The following HECTD2 variants were observed in gnomAD, a reference collection of about 807,000 sequenced individuals.
The protein encoded by HECTD2 is HECT domain E3 ubiquitin protein ligase 2.
HECTD2 carries 35 observed loss-of-function variants against 103.2 expected under a neutral mutation model. That is an observed-to-expected ratio of 0.34 (90% CI 0.26 to 0.45). The LOEUF (loss-of-function observed/expected upper bound fraction) is 0.45. Ranked by LOEUF, HECTD2 falls within the 20% of genes least tolerant of loss-of-function variation. The pLI, the probability that HECTD2 is intolerant of heterozygous loss-of-function variation, is 1.00. For synonymous variants in HECTD2, 281 were observed against 329.9 expected (o/e 0.85, Z 1.61); for missense variants, 596 against 937.4 (o/e 0.64, Z 4.76).
chr10:91,449,738 C>T (rs1844712625), intron 2 of HECTD2, among the ~76,000 whole-genome samples: 1 of 149,570 alleles, frequency 6.7e-6, no homozygotes, highest in South Asian at 2.1e-4. Flanking sequence ...CATTCCTATA[C>T]ACAAATAATA....
intron 12 of HECTD2, 70 bp from the exon 13 acceptor site, chr10:91,492,282 C>T (rs949769506): frequency 2.1e-6 from 3 of 1,421,652 alleles, no homozygotes; most frequent in Non-Finnish European, 2.0e-6. Flanking sequence ...ACACATTTCC[C>T]AGAATTAAAA....
chr10:91,410,473 C>A lies in HECTD2; in HGVS notation c.35C>A (p.Thr12Asn), dbSNP rs1227153110. ...SEAVRVPSPA[T>N]PLVVAAPAPE... ...GCGGTTCGGGTACCCTCGCCCGCCA[C>A]TCCGCTGGTGGTGGCGGCGCCCGCG... Residue 12 changes from threonine (T) to asparagine (N), a missense_variant, in exon 1 of 21, where the codon ACT becomes AAT. Transcript: ENST00000298068. 2.0e-6 allele frequency: 3 copies of A among 1,464,876 alleles called. No homozygotes were observed. The highest frequency in any genetic ancestry group is 2.7e-6 in the Non-Finnish European group (3 of 1,112,576). 90.7% of individuals were successfully genotyped at this position (1,464,876 alleles called of 1,614,324 possible).
intron 1 of HECTD2, among the ~76,000 whole-genome samples, chr10:91,421,093 T>G (rs1208644897): frequency 6.6e-6 from 1 of 152,136 alleles, no homozygotes; most frequent in African/African-American, 2.4e-5. Flanking sequence ...GCTCATTGCT[T>G]TCATTTTCTA....
At chr10:91,449,882 A>G (rs186113174) in intron 2 of HECTD2, among the ~76,000 whole-genome samples, 7 of 152,318 alleles carry the variant, frequency 4.6e-5, no homozygotes, top group African/African-American at 1.7e-4. Flanking sequence ...AAGAGAGAAC[A>G]CAAACAAATG....
chr10:91,477,264 G>T (rs567959963), intron 5 of HECTD2, among the ~76,000 whole-genome samples: 1 of 152,206 alleles, frequency 6.6e-6, no homozygotes, highest in Non-Finnish European at 1.5e-5. Flanking sequence ...AATGATGCTG[G>T]GAAGGAGGTG....
chr10:91,493,716 G>A (rs1188458588), intron 14 of HECTD2, among the ~76,000 whole-genome samples: 2 of 151,628 alleles, frequency 1.3e-5, no homozygotes, highest in East Asian at 3.9e-4. Context: ...ATTTTTTTCT[G>A]AAAACCTTAT....
chr10:91,431,071 C>T (rs1247206468), intron 2 of HECTD2, among the ~76,000 whole-genome samples: 1 of 150,866 alleles, frequency 6.6e-6, no homozygotes. Context: ...TTAGGGCAGG[C>T]CTGGTGGTGA....
chr10:91,484,340 T>G (rs1231208448), intron 8 of HECTD2, 167 bp from the exon 9 acceptor site: 1 of 1,382,434 alleles, frequency 7.2e-7, no homozygotes, highest in Non-Finnish European at 9.8e-7. Context: ...GAAGACAGTA[T>G]TCAAGGTAAG....
intron 20 of HECTD2, among the ~76,000 whole-genome samples, chr10:91,508,688 A>G (rs1201533378): frequency 6.7e-6 from 1 of 148,154 alleles, no homozygotes; most frequent in Admixed American, 6.6e-5. Context: ...ACTGTAAACT[A>G]GTTCAACCAT....
chr10:91,452,689 G>A (rs1844889130), intron 2 of HECTD2, among the ~76,000 whole-genome samples: 1 of 151,958 alleles, frequency 6.6e-6, no homozygotes, highest in Non-Finnish European at 1.5e-5. Flanking sequence ...CAGAGTCCCT[G>A]TTAGCAAGAA....
intron 18 of HECTD2, 74 bp from the exon 19 acceptor site, chr10:91,500,428 C>T: frequency 1.5e-6 from 1 of 673,780 alleles, no homozygotes; most frequent in Non-Finnish European, 2.6e-6. Flanking sequence ...TGATTTGATC[C>T]AGTGAAAATA....
intron 1 of HECTD2, among the ~76,000 whole-genome samples, chr10:91,424,318 G>T (rs1422392340): frequency 3.9e-5 from 6 of 152,132 alleles, no homozygotes; most frequent in Non-Finnish European, 7.4e-5. Flanking sequence ...AAATGCTTCT[G>T]CTATATTATA....
chr10:91,472,243 C>T (rs910435724), intron 5 of HECTD2, among the ~76,000 whole-genome samples: 2 of 152,084 alleles, frequency 1.3e-5, no homozygotes, highest in African/African-American at 2.4e-5. Context: ...TGGGATAACT[C>T]GCTTGCTATA....
At chr10:91,454,743 C>T (rs1051268148) in intron 2 of HECTD2, among the ~76,000 whole-genome samples, 2 of 151,936 alleles carry the variant, frequency 1.3e-5, no homozygotes, top group Admixed American at 6.6e-5. Flanking sequence ...CAACAGGCCC[C>T]AGTGTGTAAT....
In HECTD2 at chr10:91,492,323, C is replaced by T. The variant is rs765462321; in HGVS notation, c.1300-29C>T. On this transcript the variant is annotated intron_variant, in intron 12 of 20. Coordinates refer to ENST00000298068, the MANE Select transcript of HECTD2 (RefSeq NM_182765.6). Reference sequence around the variant, plus strand: ...AATTCTCTTTTCACTGCTCTTTGTTCTCCTCTACTGTATAATATCTTCAAA... The same window carrying T: ...AATTCTCTTTTCACTGCTCTTTGTTTTCCTCTACTGTATAATATCTTCAAA... 6 of 1,596,046 alleles carry T rather than the reference C, an allele frequency of 3.8e-6. No homozygotes were observed. The South Asian group carries it at 5.6e-5, about 15-fold the overall frequency.
intron 5 of HECTD2, among the ~76,000 whole-genome samples, chr10:91,464,141 C>T (rs933670560): frequency 3.3e-5 from 5 of 152,106 alleles, no homozygotes; most frequent in African/African-American, 1.2e-4. Flanking sequence ...AACCACTTCC[C>T]TACATTTTTT....
At chr10:91,499,928 G>C (rs1846829790) in intron 18 of HECTD2, among the ~76,000 whole-genome samples, 2 of 152,204 alleles carry the variant, frequency 1.3e-5, no homozygotes, top group African/African-American at 4.8e-5. Flanking sequence ...ACCTTTGAAA[G>C]AGAAACACTT....
intron 20 of HECTD2, among the ~76,000 whole-genome samples, chr10:91,501,570 T>C (rs955844170): frequency 1.3e-5 from 2 of 152,150 alleles, no homozygotes; most frequent in African/African-American, 4.8e-5. Context: ...CTAGGTCATA[T>C]AAGTGCTTTG....
Position 91,455,914 on chromosome 10 carries a change from T to G in HECTD2, c.269-4513T>G, listed in dbSNP as rs377228146. On this transcript the variant is annotated intron_variant, in intron 2 of 20. Transcript: ENST00000298068. ...GTGGTATTATTTCTGAGGGCTCTGT[T>G]CTGTTCCATTGGTCTATATCTCTGT... is the stretch of plus-strand genomic sequence containing the variant. Among the ~76,000 whole-genome samples the G allele has an allele frequency of 9.2e-5, 14 of 152,060 alleles. No individual in the cohort carries two copies. In the East Asian group the frequency reaches 2.7e-3, roughly 29 times the overall value.
Sources: allele counts gnomAD v4.1 joint callset (sites outside exome capture counted in the v4.1 genomes callset), GRCh38; gene constraint gnomAD v4.1.1; transcripts MANE v1.5; gene names NCBI Gene and HGNC (gene_info 2026-07-23, HGNC 2026-07-21).